PCCA: variants seen among roughly 807,000 people sequenced by gnomAD.
PCCA encodes the protein propionyl-CoA carboxylase alpha chain, mitochondrial.
Under a neutral mutation model 101.3 loss-of-function variants are expected in PCCA, and 74 were observed. The ratio of observed to expected loss-of-function variants is 0.73; its 90% confidence interval spans 0.61 to 0.89. PCCA has a LOEUF of 0.89. Among genes scored for constraint, PCCA ranks in the 40% least tolerant of loss-of-function variants. The pLI is 0.00. For missense variants in PCCA, 891 were observed against 907.0 expected, an observed-to-expected ratio of 0.98 and a Z score of 0.23; for synonymous variants, 294 against 313.6, an observed-to-expected ratio of 0.94 and a Z score of 0.66.
intron 16 of PCCA, among the ~76,000 whole-genome samples, chr13:100,311,353 T>G (rs2066902799): frequency 6.6e-6 from 1 of 152,204 alleles, no homozygotes; most frequent in Admixed American, 6.5e-5. Flanking sequence ...CCTTATAAAT[T>G]ACTGGTGAGG....
intron 12 of PCCA, among the ~76,000 whole-genome samples, chr13:100,288,093 AAGAG>A (rs1319188821): frequency 2.0e-5 from 3 of 152,178 alleles, no homozygotes; most frequent in African/African-American, 4.8e-5. Context: ...TTGATTAAGA[AAGAG>A]ATAGACGGAG....
chr13:100,404,285 AC>A (rs1423486161), intron 19 of PCCA, among the ~76,000 whole-genome samples: 1 of 152,090 alleles, frequency 6.6e-6, no homozygotes. Context: ...AAAACTTCAC[AC>A]TTTTGCTGGC....
chr13:100,322,154 C>A (rs1428346000), intron 16 of PCCA, among the ~76,000 whole-genome samples: 1 of 152,182 alleles, frequency 6.6e-6, no homozygotes, highest in Non-Finnish European at 1.5e-5. Flanking sequence ...TTCAAAGATA[C>A]ACACACCCAT....
chr13:100,197,757 C>T (rs2058210034), intron 6 of PCCA, among the ~76,000 whole-genome samples: 1 of 152,118 alleles, frequency 6.6e-6, no homozygotes, highest in Non-Finnish European at 1.5e-5. Flanking sequence ...TTAAAGTACA[C>T]TGAGTTCAGG....
chr13:100,186,364 A>G (rs796412594), intron 6 of PCCA, among the ~76,000 whole-genome samples: 12 of 152,326 alleles, frequency 7.9e-5, no homozygotes, highest in Admixed American at 2.0e-4. Flanking sequence ...GCCACGAGAA[A>G]GATTTTGGGT....
intron 20 of PCCA, among the ~76,000 whole-genome samples, chr13:100,432,805 A>G (rs1200204012): frequency 1.3e-5 from 2 of 152,166 alleles, no homozygotes; most frequent in South Asian, 2.1e-4. Flanking sequence ...AGAGAAACCT[A>G]TGTTTCCATG....
chr13:100,384,312 C>G (rs2076388699), intron 19 of PCCA, among the ~76,000 whole-genome samples: 1 of 152,194 alleles, frequency 6.6e-6, no homozygotes, highest in Admixed American at 6.5e-5. Context: ...AGGCGTGAAC[C>G]ACTGTGCCTG....
chr13:100,110,894 G>T (rs1320248440), intron 2 of PCCA, among the ~76,000 whole-genome samples: 1 of 152,018 alleles, frequency 6.6e-6, no homozygotes, highest in Non-Finnish European at 1.5e-5. Context: ...TGCAACCTCC[G>T]CCTCCCAGGT....
chr13:100,319,550 A>G (rs548288170), intron 16 of PCCA, among the ~76,000 whole-genome samples: 2 of 152,306 alleles, frequency 1.3e-5, no homozygotes, highest in East Asian at 1.9e-4. Context: ...AGCTTTCTGC[A>G]TATGGCTAGC....
intron 18 of PCCA, among the ~76,000 whole-genome samples, chr13:100,361,450 T>C (rs2079024881): frequency 1.3e-5 from 2 of 151,990 alleles, no homozygotes; most frequent in African/African-American, 4.8e-5. Flanking sequence ...ATGTCTTTTT[T>C]TTTTTTTTTA....
intron 21 of PCCA, chr13:100,491,395 T>TAGAAA (rs2084897412): frequency 5.3e-6 from 1 of 189,960 alleles, no homozygotes; most frequent in Non-Finnish European, 1.1e-5. Context: ...GCTGTTTTCA[T>TAGAAA]TTCTGCCTTT....
At chr13:100,488,746 C>A (rs917049350) in intron 21 of PCCA, among the ~76,000 whole-genome samples, 2 of 151,588 alleles carry the variant, frequency 1.3e-5, no homozygotes, top group African/African-American at 4.8e-5. Flanking sequence ...TTTGAGCCTG[C>A]AGTGAGCTAG....
At chr13:100,312,680 G>A (rs759058949) in intron 16 of PCCA, among the ~76,000 whole-genome samples, 3 of 152,164 alleles carry the variant, frequency 2.0e-5, no homozygotes, top group Non-Finnish European at 2.9e-5. Flanking sequence ...ACCAACCACA[G>A]TGTCCGCTAA....
intron 12 of PCCA, among the ~76,000 whole-genome samples, chr13:100,290,279 C>A (rs1670647222): frequency 6.6e-6 from 1 of 151,946 alleles, no homozygotes; most frequent in Admixed American, 6.6e-5. Flanking sequence ...TGGCATGAAC[C>A]TGGTTCACTG....
At chr13:100,094,311 G>A (rs966372839) in intron 1 of PCCA, among the ~76,000 whole-genome samples, 2 of 151,714 alleles carry the variant, frequency 1.3e-5, no homozygotes, top group Non-Finnish European at 2.9e-5. Context: ...TAGTAGCATG[G>A]TAAAGTGTTA....
At chr13:100,178,377 A>G (rs1404177049) in intron 6 of PCCA, among the ~76,000 whole-genome samples, 1 of 152,258 alleles carries the variant, frequency 6.6e-6, no homozygotes, top group South Asian at 2.1e-4. Context: ...GGTAAACTAT[A>G]CAAAACACTT....
chr13:100,409,140 G>A (rs1187785305), intron 19 of PCCA, among the ~76,000 whole-genome samples: 1 of 152,152 alleles, frequency 6.6e-6, no homozygotes, highest in African/African-American at 2.4e-5. Flanking sequence ...CCCAAAAAAG[G>A]AAGAAAAGGG....
intron 17 of PCCA, among the ~76,000 whole-genome samples, chr13:100,335,001 A>C (rs1246797608): frequency 6.6e-6 from 1 of 152,200 alleles, no homozygotes; most frequent in Non-Finnish European, 1.5e-5. Flanking sequence ...TAAATCTTCT[A>C]AAAGAAAAGA....
chr13:100,341,979 A>ATATATATATG (rs966272516), intron 18 of PCCA, among the ~76,000 whole-genome samples: 1 of 114,528 alleles, frequency 8.7e-6, no homozygotes. Context: ...ATATATATAT[A>ATATATATATG]TATGTATTTA....
Sources: allele counts gnomAD v4.1 joint callset (sites outside exome capture counted in the v4.1 genomes callset), GRCh38; gene constraint gnomAD v4.1.1; transcripts MANE v1.5; gene names NCBI Gene and HGNC (gene_info 2026-07-23, HGNC 2026-07-21).